SLC7A10: variants seen among roughly 807,000 people sequenced by gnomAD.
SLC7A10 encodes solute carrier family 7 member 10.
In SLC7A10, 30 loss-of-function variants were observed where a neutral mutation model predicts 52.7. The observed-to-expected ratio is 0.57, with a 90% confidence interval of 0.43 to 0.77. SLC7A10 has a LOEUF of 0.77. Among genes scored for constraint, SLC7A10 ranks in the 30% least tolerant of loss-of-function variants. SLC7A10 has a pLI of 0.00. For missense variants in SLC7A10, 581 were observed against 698.5 expected (o/e 0.83, Z 1.90); for synonymous variants, 318 against 314.9 (o/e 1.01, Z -0.10).
At chr19:33,218,687 T>TCTTTC (rs1318192191) in intron 1 of SLC7A10, among the ~76,000 whole-genome samples, 32 of 85,682 alleles carry the variant, frequency 3.7e-4, no homozygotes, top group East Asian at 1.1e-3. Context: ...CTTTCTTTTT[T>TCTTTC]TTTTTTTTTT....
At chr19:33,225,080 T>A (rs561757619) in intron 1 of SLC7A10, among the ~76,000 whole-genome samples, 3 of 152,356 alleles carry the variant, frequency 2.0e-5, no homozygotes, top group South Asian at 4.1e-4. Context: ...TTTCCAAGAA[T>A]AAAGTCACTG....
chr19:33,214,496 G>A (rs16967861), intron 2 of SLC7A10, among the ~76,000 whole-genome samples: 9,617 of 152,164 alleles, frequency 0.063, 1,033 homozygotes, highest in African/African-American at 0.22. Context: ...TTGGCACAAC[G>A]CAGCTGGACA....
At position 33,225,806 on chromosome 19, in the gene SLC7A10, C is replaced by G. The variant is rs1012912311; in HGVS notation, c.-103G>C. ...GAGCTCACGGCCCTCGCAGCCGGGA[C>G]AGCGCCCACAGGCGGGCGCATGCGC... On this transcript the variant is annotated 5_prime_UTR_variant, in exon 1 of 11. Transcript: ENST00000253188. 1 of 1,273,460 alleles carries G rather than the reference C, an allele frequency of 7.9e-7. No homozygotes were observed. The highest frequency in any genetic ancestry group is 1.0e-6 in the Non-Finnish European group (1 of 1,000,462). 78.9% of individuals were successfully genotyped at this position (1,273,460 alleles called of 1,614,324 possible).
chr19:33,225,039 G>C (rs1028756987), intron 1 of SLC7A10, among the ~76,000 whole-genome samples: 3 of 152,344 alleles, frequency 2.0e-5, no homozygotes, highest in Admixed American at 2.0e-4. Flanking sequence ...CGCAGGCTGC[G>C]CTTGCTCACT....
chr19:33,215,736 G>T, intron 2 of SLC7A10, 33 bp downstream of exon 2: 1 of 1,542,862 alleles, frequency 6.5e-7, no homozygotes. Context: ...TCCCAAGAGG[G>T]TGTCCCCCTG....
intron 1 of SLC7A10, among the ~76,000 whole-genome samples, chr19:33,216,475 C>G (rs1974686839): frequency 6.6e-6 from 1 of 152,242 alleles, no homozygotes; most frequent in Admixed American, 6.5e-5. Flanking sequence ...TTCAACCACT[C>G]TCCTGCCACT....
chr19:33,217,046 T>A (rs1974702320), intron 1 of SLC7A10, among the ~76,000 whole-genome samples: 2 of 152,016 alleles, frequency 1.3e-5, no homozygotes, highest in South Asian at 4.1e-4. Flanking sequence ...GTTTTTTTTT[T>A]TTTTACTTTT....
chr19:33,212,643 C>A lies in SLC7A10; in HGVS notation c.509-4G>T. 6.2e-7 allele frequency: 1 copy of A among 1,613,626 alleles called. No individual in the cohort carries two copies. Among genetic ancestry groups the A allele is most frequent in the Non-Finnish European group, 8.5e-7 (1 of 1,180,028 alleles). ...CTGTTCACCCATGTCAGGAGCACTG[C>A]GGAGGGAAGGCGGGGGTGGGCGCCG... On this transcript the variant is annotated splice_polypyrimidine_tract_variant and splice_region_variant and intron_variant, in intron 3 of 10. Transcript: ENST00000253188.
At chr19:33,217,979 G>A (rs988814496) in intron 1 of SLC7A10, 3 of 152,252 alleles carry the variant, frequency 2.0e-5, no homozygotes, top group Admixed American at 2.0e-4. Flanking sequence ...TGGGTGGGCT[G>A]TAAGGTTTCT....
chr19:33,214,869 C>T (rs932733573), intron 2 of SLC7A10, among the ~76,000 whole-genome samples: 2 of 152,230 alleles, frequency 1.3e-5, no homozygotes, highest in Non-Finnish European at 2.9e-5. Flanking sequence ...AGCTTGAGTA[C>T]AGGGACAGAC....
At chr19:33,213,046 C>G in intron 2 of SLC7A10, 44 bp from the exon 3 acceptor site, 4 of 1,557,636 alleles carry the variant, frequency 2.6e-6, no homozygotes, top group Non-Finnish European at 3.5e-6. Context: ...GCCCAGAGCC[C>G]TTCCCGGCCA....
Position 33,215,779 on chromosome 19 carries a change from C to A in SLC7A10, c.346G>T (p.Gly116Cys). 1 of 1,556,780 alleles carries A rather than the reference C, an allele frequency of 6.4e-7. No homozygotes were observed. The highest frequency in any genetic ancestry group is 1.4e-5 in the African/African-American group (1 of 73,344). ...DYAYVTEIFGGLAGFLLLWSA... is the reference protein window; with the variant it reads ...DYAYVTEIFGCLAGFLLLWSA... ...GTGCCCCACACTCACCCAGCCAGGCCCCCGAAGATCTCTGTGACGTAGGCG... is the reference window on the plus strand; with the variant it reads ...GTGCCCCACACTCACCCAGCCAGGCACCCGAAGATCTCTGTGACGTAGGCG... Residue 116 changes from glycine (G) to cysteine (C), a missense_variant, in exon 2 of 11, where the codon GGC (glycine) becomes TGC (cysteine). Transcript: ENST00000253188.
At position 33,209,455 on chromosome 19, in the gene SLC7A10, C is replaced by T; in HGVS notation, c.1294G>A (p.Val432Ile). The T allele has an allele frequency of 1.2e-6, 2 of 1,613,962 alleles. No homozygotes were observed. The highest frequency in any genetic ancestry group is 2.2e-5 in the East Asian group (1 of 44,884). The part of the protein sequence containing the change: ...VNLLIPVAYL[V>I]FWAFLLVFSF... The stretch of plus-strand genomic sequence containing the variant: ...AAGACCAGCAGGAAGGCCCAGAAGA[C>T]CAAGTACGCCACGGGGATGAGAAGG... Residue 432 changes from valine to isoleucine, a missense_variant, in exon 10 of 11, where the codon GTC (valine) becomes ATC (isoleucine). By Grantham distance (29) the Val-to-Ile change is conservative. Coordinates refer to ENST00000253188, the MANE Select transcript of SLC7A10 (RefSeq NM_019849.3).
At chr19:33,224,691 CTG>C (rs1974885342) in intron 1 of SLC7A10, among the ~76,000 whole-genome samples, 1 of 152,198 alleles carries the variant, frequency 6.6e-6, no homozygotes, top group African/African-American at 2.4e-5. Context: ...CAGAGGCACT[CTG>C]TGTAGACAAA....
Position 33,215,622 on chromosome 19 carries a change from CT to C in SLC7A10, c.356+146del. Reference sequence around the variant, plus strand: ...TCTCCATCCAGCCCCCACACCTTCTCTCCATCCACCCCCCACACCTTCTCTC... The same window carrying C: ...TCTCCATCCAGCCCCCACACCTTCTCCCATCCACCCCCCACACCTTCTCTC... On this transcript the variant is annotated intron_variant, in intron 2 of 10. Coordinates refer to ENST00000253188, the MANE Select transcript of SLC7A10 (RefSeq NM_019849.3). The C allele has an allele frequency of 1.6e-4, 91 of 552,548 alleles. 1 individual carries two copies. Among genetic ancestry groups the C allele is most frequent in the South Asian group, 6.5e-4 (22 of 33,888 alleles). 34.2% of individuals were successfully genotyped at this position (552,548 alleles called of 1,614,324 possible). A position where few individuals can be genotyped will look rare whatever the true frequency, so the allele number is the denominator to read the frequency against.
At chr19:33,217,048 T>C (rs188813710) in intron 1 of SLC7A10, among the ~76,000 whole-genome samples, 3,679 of 152,038 alleles carry the variant, frequency 0.024, 159 homozygotes, top group African/African-American at 0.085. Context: ...TTTTTTTTTT[T>C]TTACTTTTTG....
chr19:33,218,538 G>A (rs1974738083), intron 1 of SLC7A10, among the ~76,000 whole-genome samples: 1 of 151,680 alleles, frequency 6.6e-6, no homozygotes, highest in Admixed American at 6.6e-5. Context: ...AAGGATGGGT[G>A]GGGCACTGCA....
chr19:33,225,440 G>T, intron 1 of SLC7A10, 113 bp downstream of exon 1: 2 of 1,324,450 alleles, frequency 1.5e-6, no homozygotes, highest in East Asian at 4.9e-5. Context: ...CCAGACTGCA[G>T]GTTCCCCAGG....
chr19:33,215,981 G>C lies in SLC7A10; in HGVS notation c.152-8C>G. ...CCGAGCCGATGATGTTCCCTGCAGG[G>C]GGAGAGATGGGGAGGCATCAGGCCT... is the stretch of plus-strand genomic sequence containing the variant. On this transcript the variant is annotated splice_region_variant and splice_polypyrimidine_tract_variant and intron_variant, in intron 1 of 10. Coordinates refer to ENST00000253188, the MANE Select transcript of SLC7A10 (RefSeq NM_019849.3). 1.9e-6 allele frequency: 3 copies of C among 1,569,922 alleles called. No homozygotes were observed. The highest frequency in any genetic ancestry group is 2.6e-6 in the Non-Finnish European group (3 of 1,150,988).
Sources: allele counts gnomAD v4.1 joint callset (sites outside exome capture counted in the v4.1 genomes callset), GRCh38; gene constraint gnomAD v4.1.1; transcripts MANE v1.5; gene names NCBI Gene and HGNC (gene_info 2026-07-23, HGNC 2026-07-21).